Variants in EYS observed in about 807,000 individuals in gnomAD.
The protein encoded by EYS is EGF-like photoreceptor maintenance factor, also known as protein eyes shut homolog.
In EYS, 250 loss-of-function variants were observed where a neutral mutation model predicts 282.1. That is an observed-to-expected ratio of 0.89 (90% CI 0.80 to 0.98). The LOEUF is 0.98. Ranked by LOEUF, EYS falls within the 50% of genes least tolerant of loss-of-function variation. The pLI, the probability that EYS is intolerant of heterozygous loss-of-function variation, is 0.00. For missense variants in EYS, 4,016 were observed against 3,709.0 expected, an observed-to-expected ratio of 1.08 and a Z score of -2.15; for synonymous variants, 1,355 against 1,282.9, an observed-to-expected ratio of 1.06 and a Z score of -1.20.
At position 65,663,894 on chromosome 6, in the gene EYS, C is replaced by T. The variant is rs1433858163; in HGVS notation, c.-447-24002G>A. Among the ~76,000 whole-genome samples, 4 of 123,050 alleles carry T rather than the reference C, an allele frequency of 3.3e-5. No homozygotes were observed. In the East Asian group the frequency reaches 9.6e-4, roughly 30 times the overall value. 80.7% of individuals were successfully genotyped at this position (123,050 alleles called of 152,430 possible). ...TTTTTTTTTTTTTTTTTTTTGAGAC[C>T]GGAGTCTTGCTCTGTCATCCAGGCT... is the stretch of plus-strand genomic sequence containing the variant. On this transcript the variant is annotated intron_variant, in intron 1 of 42. Coordinates refer to ENST00000503581, the MANE Select transcript of EYS (RefSeq NM_001142800.2).
At chr6:65,374,502 G>GT (rs70999201) in intron 8 of EYS, among the ~76,000 whole-genome samples, 4,075 of 144,472 alleles carry the variant, frequency 0.028, 98 homozygotes, top group Non-Finnish European at 0.04. Context: ...TACCTGCGGA[G>GT]TTTTTTTTTT....
intron 2 of EYS, among the ~76,000 whole-genome samples, chr6:65,561,812 T>C (rs1193029122): frequency 6.6e-6 from 1 of 151,902 alleles, no homozygotes; most frequent in Non-Finnish European, 1.5e-5. Flanking sequence ...TACATGTTAT[T>C]ATAACCTTGA....
chr6:64,574,217 G>A (rs1238255146), intron 26 of EYS, among the ~76,000 whole-genome samples: 1 of 152,096 alleles, frequency 6.6e-6, no homozygotes, highest in Non-Finnish European at 1.5e-5. Flanking sequence ...ATAAGTGGGA[G>A]TTGAACAATG....
At chr6:65,109,238 G>T (rs753315659) in intron 12 of EYS, among the ~76,000 whole-genome samples, 1 of 151,714 alleles carries the variant, frequency 6.6e-6, no homozygotes. Flanking sequence ...TTTTAGGGTC[G>T]AAACTCTTGA....
intron 2 of EYS, among the ~76,000 whole-genome samples, chr6:65,519,538 G>T (rs1276428854): frequency 5.5e-5 from 8 of 146,730 alleles, no homozygotes; most frequent in African/African-American, 2.0e-4. Flanking sequence ...CTTAATAATA[G>T]AATACTAAAT....
intron 13 of EYS, among the ~76,000 whole-genome samples, chr6:65,005,707 G>A (rs989782218): frequency 4.7e-5 from 7 of 147,692 alleles, no homozygotes; most frequent in African/African-American, 1.7e-4. Flanking sequence ...TGGGGATGTT[G>A]ATCTGCCTGG....
At chr6:65,004,905 A>T (rs1218110107) in intron 13 of EYS, among the ~76,000 whole-genome samples, 1 of 148,008 alleles carries the variant, frequency 6.8e-6, no homozygotes, top group East Asian at 2.1e-4. Context: ...CAGCATTTTT[A>T]AAAATTATAT....
At chr6:64,342,567 A>G (rs1771165435) in intron 29 of EYS, among the ~76,000 whole-genome samples, 1 of 152,086 alleles carries the variant, frequency 6.6e-6, no homozygotes, top group African/African-American at 2.4e-5. Context: ...TGAAGGAAGC[A>G]CTAAACATGG....
At chr6:64,548,130 AGGG>A (rs1159916821) in intron 26 of EYS, among the ~76,000 whole-genome samples, 5 of 152,184 alleles carry the variant, frequency 3.3e-5, no homozygotes, top group African/African-American at 1.2e-4. Context: ...AGAGGGCTGA[AGGG>A]CTCCTCAAGT....
chr6:65,259,244 A>C (rs1767552866), intron 12 of EYS, among the ~76,000 whole-genome samples: 1 of 151,990 alleles, frequency 6.6e-6, no homozygotes, highest in Non-Finnish European at 1.5e-5. Context: ...TCATTGCTCC[A>C]CCCATGTCCT....
chr6:65,305,549 C>T (rs1768981891), intron 11 of EYS, among the ~76,000 whole-genome samples: 1 of 152,166 alleles, frequency 6.6e-6, no homozygotes, highest in African/African-American at 2.4e-5. Context: ...GATCTTGATG[C>T]TTCTGCTGCT....
intron 12 of EYS, among the ~76,000 whole-genome samples, chr6:65,277,479 T>G (rs918888453): frequency 6.6e-6 from 1 of 151,358 alleles, no homozygotes. Flanking sequence ...CCGGAAAACT[T>G]TTTTTCCTCT....
At chr6:64,204,762 A>T (rs1314529974) in intron 31 of EYS, among the ~76,000 whole-genome samples, 1 of 152,126 alleles carries the variant, frequency 6.6e-6, no homozygotes, top group Admixed American at 6.6e-5. Context: ...TCTAATAGGG[A>T]TTTGTATTAA....
chr6:65,432,044 A>G (rs1767907986), intron 5 of EYS, among the ~76,000 whole-genome samples: 1 of 152,178 alleles, frequency 6.6e-6, no homozygotes, highest in Non-Finnish European at 1.5e-5. Context: ...TCCAATAATA[A>G]TGGCATTCTC....
At chr6:63,767,214 A>G (rs1229049924) in intron 40 of EYS, among the ~76,000 whole-genome samples, 3 of 152,030 alleles carry the variant, frequency 2.0e-5, no homozygotes, top group Non-Finnish European at 2.9e-5. Context: ...TCAACACAGT[A>G]ATGGAAGTGC....
At chr6:64,390,327 G>A (rs538270960) in intron 28 of EYS, among the ~76,000 whole-genome samples, 66 of 152,266 alleles carry the variant, frequency 4.3e-4, no homozygotes, top group Non-Finnish European at 6.6e-4. Context: ...GGCAGGGCAC[G>A]GACAAACAAA....
At chr6:65,311,595 A>C (rs554385793) in intron 11 of EYS, among the ~76,000 whole-genome samples, 19 of 152,286 alleles carry the variant, frequency 1.2e-4, no homozygotes, top group African/African-American at 4.3e-4. Context: ...AATTTGTGTC[A>C]ATTAAATATG....
At chr6:63,917,736 T>A (rs960501866) in intron 35 of EYS, among the ~76,000 whole-genome samples, 6 of 152,230 alleles carry the variant, frequency 3.9e-5, no homozygotes, top group African/African-American at 1.4e-4. Context: ...ACAGCTTTTA[T>A]GATGAGTCCA....
intron 39 of EYS, among the ~76,000 whole-genome samples, chr6:63,779,788 G>A (rs931653841): frequency 2.7e-5 from 4 of 146,662 alleles, no homozygotes; most frequent in Non-Finnish European, 4.5e-5. Context: ...TAGGGTACAT[G>A]TGCATACCTT....
Sources: gnomAD v4.1 joint callset for allele counts (sites outside exome capture counted in the v4.1 genomes callset) on GRCh38, gnomAD v4.1.1 for gene constraint, MANE v1.5 for transcripts, NCBI Gene and HGNC (gene_info 2026-07-23, HGNC 2026-07-21) for gene names.